Variants in WDFY3 observed in about 807,000 individuals in gnomAD.
The protein encoded by WDFY3 is WD repeat and FYVE domain-containing protein 3.
Under a neutral mutation model 409.6 loss-of-function variants are expected in WDFY3, and 66 were observed. The observed-to-expected ratio is 0.16, with a 90% CI of 0.13 to 0.20. The LOEUF (loss-of-function observed/expected upper bound fraction) is 0.20. Among genes scored for constraint, WDFY3 ranks in the 10% least tolerant of loss-of-function variants. The pLI is 1.00. For missense variants in WDFY3, 3,031 were observed against 4,298.1 expected, an observed-to-expected ratio of 0.71 and a Z score of 8.24; for synonymous variants, 1,521 against 1,537.1, an observed-to-expected ratio of 0.99 and a Z score of 0.25.
Position 84,735,067 on chromosome 4 carries a change from A to G in WDFY3, c.6969T>C (p.Asp2323=). Residue 2323 remains aspartate, a synonymous_variant, in exon 43 of 68, where the codon GAT becomes GAC. Coordinates refer to ENST00000295888, the MANE Select transcript of WDFY3 (RefSeq NM_014991.6). ...CCTCCTGATATTCTTTATATTGTGT[A>G]TCTACTAAGTCACGAACAACAGCAA... ...THIAVVRDLV[D]TQYKEYQERQ... 6.2e-7 allele frequency: 1 copy of G among 1,613,348 alleles called. No individual in the cohort carries two copies.
chr4:84,682,582 C>T, intron 63 of WDFY3, 112 bp from the exon 64 acceptor site: 3 of 839,272 alleles, frequency 3.6e-6, no homozygotes, highest in Non-Finnish European at 5.7e-6. Context: ...TAATTTCCAT[C>T]ATGTTATACA....
intron 2 of WDFY3, among the ~76,000 whole-genome samples, chr4:84,901,271 G>C (rs923814656): frequency 2.6e-4 from 39 of 152,138 alleles, no homozygotes; most frequent in Admixed American, 2.6e-4. Context: ...GCTCCAATGT[G>C]GCAGTAATTA....
intron 3 of WDFY3, among the ~76,000 whole-genome samples, chr4:84,868,482 T>G (rs1033361615): frequency 6.6e-6 from 1 of 152,032 alleles, no homozygotes; most frequent in African/African-American, 2.4e-5. Context: ...TCAAGGAGAG[T>G]CATTATCATA....
chr4:84,720,825 T>C (rs960419874), intron 47 of WDFY3, among the ~76,000 whole-genome samples: 6 of 132,998 alleles, frequency 4.5e-5, no homozygotes, highest in African/African-American at 1.7e-4. Context: ...AAGTGCAGAG[T>C]GGAAAAAAAA....
At chr4:84,942,930 T>G (rs1307996263) in intron 1 of WDFY3, among the ~76,000 whole-genome samples, 1 of 152,226 alleles carries the variant, frequency 6.6e-6, no homozygotes, top group East Asian at 1.9e-4. Flanking sequence ...AGCTTCAACT[T>G]ACAATTTGTT....
chr4:84,756,222 C>A (rs1320264651), intron 33 of WDFY3, among the ~76,000 whole-genome samples: 1 of 151,994 alleles, frequency 6.6e-6, no homozygotes, highest in Non-Finnish European at 1.5e-5. Context: ...CCTGTCATAC[C>A]CACTCGAGGA....
intron 46 of WDFY3, among the ~76,000 whole-genome samples, chr4:84,722,350 G>A (rs1201003059): frequency 6.6e-6 from 1 of 152,082 alleles, no homozygotes; most frequent in Non-Finnish European, 1.5e-5. Context: ...TCACGCCACT[G>A]CACTCCAGCC....
intron 2 of WDFY3, among the ~76,000 whole-genome samples, chr4:84,918,275 T>C (rs1290950230): frequency 1.3e-5 from 2 of 152,122 alleles, no homozygotes; most frequent in African/African-American, 2.4e-5. Context: ...TGTATAACTA[T>C]AAAATGCTAG....
At chr4:84,895,137 T>C (rs903396303) in intron 3 of WDFY3, among the ~76,000 whole-genome samples, 2 of 152,120 alleles carry the variant, frequency 1.3e-5, no homozygotes, top group African/African-American at 4.8e-5. Context: ...AGTTCAAAAA[T>C]TGTATATGTT....
At chr4:84,681,841 G>A (rs1157826586) in intron 64 of WDFY3, among the ~76,000 whole-genome samples, 4 of 152,188 alleles carry the variant, frequency 2.6e-5, no homozygotes, top group African/African-American at 9.7e-5. Flanking sequence ...ATATTTCACT[G>A]AAAAATTTTA....
intron 1 of WDFY3, among the ~76,000 whole-genome samples, chr4:84,958,659 T>C (rs1774540284): frequency 6.6e-6 from 1 of 152,190 alleles, no homozygotes; most frequent in South Asian, 2.1e-4. Context: ...ATGCAGAGGA[T>C]GCAATCTAGG....
chr4:84,947,531 A>ATAATAC (rs1024370632), intron 1 of WDFY3, among the ~76,000 whole-genome samples: 2 of 146,872 alleles, frequency 1.4e-5, no homozygotes, highest in Admixed American at 6.8e-5. Flanking sequence ...AATAATAATA[A>ATAATAC]TAATAATAAT....
chr4:84,748,258 C>T (rs1481829340), intron 36 of WDFY3, among the ~76,000 whole-genome samples: 1 of 152,130 alleles, frequency 6.6e-6, no homozygotes, highest in Non-Finnish European at 1.5e-5. Context: ...AAGTGTTGGG[C>T]ACTGTGTTAT....
At chr4:84,690,158 A>G (rs1300472006) in intron 61 of WDFY3, among the ~76,000 whole-genome samples, 5 of 152,220 alleles carry the variant, frequency 3.3e-5, no homozygotes, top group African/African-American at 7.2e-5. Flanking sequence ...ATAAATGGAA[A>G]TCACCCTGGA....
At chr4:84,783,868 C>G (rs1211246385) in intron 24 of WDFY3, among the ~76,000 whole-genome samples, 2 of 151,082 alleles carry the variant, frequency 1.3e-5, no homozygotes, top group Non-Finnish European at 3.0e-5. Flanking sequence ...TACATACACA[C>G]ACACACACAC....
At chr4:84,727,489 G>A (rs1355881777) in intron 44 of WDFY3, among the ~76,000 whole-genome samples, 1 of 152,132 alleles carries the variant, frequency 6.6e-6, no homozygotes, top group Non-Finnish European at 1.5e-5. Flanking sequence ...AAAGCAGAGG[G>A]TAGACTGGAT....
chr4:84,786,197 T>C (rs1747522819), intron 23 of WDFY3, 58 bp from the exon 24 acceptor site: 5 of 1,483,232 alleles, frequency 3.4e-6, no homozygotes, highest in Non-Finnish European at 4.5e-6. Context: ...TTAAAGTAAG[T>C]TTTTTATTCT....
intron 13 of WDFY3, 90 bp from the exon 14 acceptor site, chr4:84,810,434 T>G: frequency 9.4e-7 from 1 of 1,069,190 alleles, no homozygotes; most frequent in Non-Finnish European, 1.3e-6. Flanking sequence ...GGTTGTACAT[T>G]CTGTGAATCT....
At chr4:84,856,942 C>G (rs1265376679) in intron 4 of WDFY3, among the ~76,000 whole-genome samples, 1 of 151,956 alleles carries the variant, frequency 6.6e-6, no homozygotes, top group Admixed American at 6.6e-5. Context: ...ATAGATATGG[C>G]TATATATTTC....
Sources: allele counts gnomAD v4.1 joint callset (sites outside exome capture counted in the v4.1 genomes callset), GRCh38; gene constraint gnomAD v4.1.1; transcripts MANE v1.5; gene names NCBI Gene and HGNC (gene_info 2026-07-23, HGNC 2026-07-21).